The following VAT1L variants were observed in gnomAD, a reference collection of about 807,000 sequenced individuals.
VAT1L encodes the protein putative NADPH-dependent quinone oxidoreductase VAT1L.
In VAT1L, 34 loss-of-function variants were observed where a neutral mutation model predicts 44.1. That is an observed-to-expected ratio of 0.77 (90% CI 0.59 to 1.03). The LOEUF (loss-of-function observed/expected upper bound fraction) is 1.03, where lower values mean the gene tolerates loss of function less well. VAT1L is among the 50% of genes least tolerant of loss of function. VAT1L has a pLI of 0.00. For synonymous variants in VAT1L, 253 were observed against 202.2 expected, an observed-to-expected ratio of 1.25 and a Z score of -2.13; for missense variants, 615 against 538.8, an observed-to-expected ratio of 1.14 and a Z score of -1.40.
chr16:77,891,930 G>A (rs898450893), intron 7 of VAT1L, among the ~76,000 whole-genome samples: 25 of 152,248 alleles, frequency 1.6e-4, no homozygotes, highest in African/African-American at 5.5e-4. Context: ...AAATTAGCCC[G>A]GCATGGTGGC....
At chr16:77,972,825 A>G (rs997089021) in intron 8 of VAT1L, among the ~76,000 whole-genome samples, 24 of 149,768 alleles carry the variant, frequency 1.6e-4, no homozygotes, top group African/African-American at 5.4e-4. Context: ...ATAATGTAAA[A>G]TATAAATAAA....
intron 7 of VAT1L, among the ~76,000 whole-genome samples, chr16:77,887,348 G>T (rs1171264681): frequency 6.6e-6 from 1 of 152,308 alleles, no homozygotes; most frequent in East Asian, 1.9e-4. Flanking sequence ...TCCCAAGGGT[G>T]TTATCCATCA....
intron 6 of VAT1L, among the ~76,000 whole-genome samples, chr16:77,880,522 T>G (rs2017140132): frequency 6.6e-6 from 1 of 150,802 alleles, no homozygotes; most frequent in South Asian, 2.1e-4. Flanking sequence ...TTCTCTTCTT[T>G]GAAATGAACC....
intron 7 of VAT1L, among the ~76,000 whole-genome samples, chr16:77,934,886 G>C (rs1021824170): frequency 1.2e-4 from 19 of 152,126 alleles, no homozygotes; most frequent in African/African-American, 2.4e-4. Context: ...TGCAGGGCCC[G>C]GTCTGGTGGA....
At chr16:77,972,006 G>C (rs1326410988) in intron 8 of VAT1L, 73 bp downstream of exon 8, 1 of 1,459,504 alleles carries the variant, frequency 6.9e-7, no homozygotes, top group East Asian at 2.3e-5. Context: ...TGCAGACACG[G>C]GTGGGGTAGA....
chr16:77,965,939 G>C (rs2018218064), intron 7 of VAT1L, among the ~76,000 whole-genome samples: 2 of 152,140 alleles, frequency 1.3e-5, no homozygotes, highest in South Asian at 2.1e-4. Flanking sequence ...CAATATGGTA[G>C]CTATGAGCTA....
At position 77,879,126 on chromosome 16, in the gene VAT1L, T is replaced by C; in HGVS notation, c.827-43T>C. ...TTTCATGCATAACAAGAGATGTCCATTTTCATTAGCAATTGCTTAATGTGG... is the reference window on the plus strand; with the variant it reads ...TTTCATGCATAACAAGAGATGTCCACTTTCATTAGCAATTGCTTAATGTGG... On this transcript the variant is annotated intron_variant, in intron 5 of 8. Coordinates refer to ENST00000302536, the MANE Select transcript of VAT1L (RefSeq NM_020927.3). The surrounding 1 kb of genome is among the most constrained non-coding windows in gnomAD (Gnocchi z 4.1). 6.3e-7 allele frequency: 1 copy of C among 1,597,448 alleles called. No individual in the cohort carries two copies. The highest frequency in any genetic ancestry group is 8.6e-7 in the Non-Finnish European group (1 of 1,165,116).
chr16:77,801,445 G>A (rs990122318), intron 1 of VAT1L: 1 of 152,140 alleles, frequency 6.6e-6, no homozygotes, highest in Non-Finnish European at 1.5e-5. Context: ...TTCATAGTTT[G>A]ATCTGAAACG....
intron 1 of VAT1L, among the ~76,000 whole-genome samples, chr16:77,802,421 C>T (rs1043615211): frequency 6.6e-6 from 1 of 152,072 alleles, no homozygotes; most frequent in Non-Finnish European, 1.5e-5. Flanking sequence ...TCAAGACCAG[C>T]CTGGCCAAGA....
Position 77,817,948 on chromosome 16 carries a change from T to C in VAT1L, c.363+898T>C, listed in dbSNP as rs75448442. Among the ~76,000 whole-genome samples the C allele has an allele frequency of 8.0e-3, 1,222 of 152,302 alleles. 24 individuals carry two copies. The highest frequency in any genetic ancestry group is 0.028 in the African/African-American group (1,157 of 41,562). Reference sequence around the variant, plus strand: ...AGAACCATGGAGAAGTTATCTTTTTTAAGCCTCCACCATAGCCCTGCAAAG... The same window carrying C: ...AGAACCATGGAGAAGTTATCTTTTTCAAGCCTCCACCATAGCCCTGCAAAG... On this transcript the variant is annotated intron_variant, in intron 2 of 8. Coordinates refer to ENST00000302536, the MANE Select transcript of VAT1L (RefSeq NM_020927.3).
At chr16:77,975,814 G>T (rs1013003382) in intron 8 of VAT1L, among the ~76,000 whole-genome samples, 1 of 152,180 alleles carries the variant, frequency 6.6e-6, no homozygotes, top group Admixed American at 6.5e-5. Flanking sequence ...CAGTACCAGC[G>T]GGCAGCCCTG....
In VAT1L at chr16:77,884,836, C is replaced by T; in HGVS notation, c.1077+34C>T. 1.4e-6 allele frequency: 2 copies of T among 1,434,792 alleles called. No homozygotes were observed. The highest frequency in any genetic ancestry group is 1.8e-6 in the Non-Finnish European group (2 of 1,092,186). The allele number at this position is 1,434,792 out of a possible 1,614,324, so 88.9% of individuals were successfully genotyped here. The stretch of plus-strand genomic sequence containing the variant: ...GGTGCTTTTCTTCTGCAAATAAACT[C>T]CTCTTTTTAACTCAGGAAGGTTTGG... On this transcript the variant is annotated intron_variant, in intron 7 of 8. Transcript: ENST00000302536. The surrounding 1 kb of genome is among the most constrained non-coding windows in gnomAD (Gnocchi z 4.5).
chr16:77,971,838 C>T lies in VAT1L; in HGVS notation c.1078-12C>T, dbSNP rs202190614. 118 of 1,611,354 alleles carry T rather than the reference C, an allele frequency of 7.3e-5. No homozygotes were observed. In the African/African-American group the frequency reaches 1.3e-3, roughly 17 times the overall value. ...CCTAACCAGCACCTCTGTTTCTCAC[C>T]TTTTCGCGCAGGTGAAGGAGGCCAT... On this transcript the variant is annotated splice_polypyrimidine_tract_variant and intron_variant, in intron 7 of 8. Coordinates refer to ENST00000302536, the MANE Select transcript of VAT1L (RefSeq NM_020927.3).
In VAT1L at chr16:77,952,624, C is replaced by T. The variant is rs994886095; in HGVS notation, c.1078-19226C>T. Reference sequence around the variant, plus strand: ...CTGTAATCCCAGCACCTTGGGAGGCCGAAGTGGGCAGATCCCGAGGTCAGG... The same window carrying T: ...CTGTAATCCCAGCACCTTGGGAGGCTGAAGTGGGCAGATCCCGAGGTCAGG... On this transcript the variant is annotated intron_variant, in intron 7 of 8. Transcript: ENST00000302536. 7.2e-5 allele frequency among the ~76,000 whole-genome samples: 11 copies of T among 152,022 alleles called. 1 individual carries two copies. The highest frequency in any genetic ancestry group is 2.1e-4 in the South Asian group (1 of 4,802).
Position 77,978,308 on chromosome 16 carries a change from C to T in VAT1L, c.*613C>T, listed in dbSNP as rs1415740424. The T allele has an allele frequency of 6.6e-6, 1 of 152,508 alleles. No homozygotes were observed. The allele number at this position is 152,508 out of a possible 1,614,324, so 9.4% of individuals were successfully genotyped here. A position where few individuals can be genotyped will look rare whatever the true frequency, so the allele number is the denominator to read the frequency against. ...CTTCAGTGTCTGACCCTTTCACTGG[C>T]TCTTATCTGTAAACACAGGGAGGCA... On this transcript the variant is annotated 3_prime_UTR_variant, in exon 9 of 9. Coordinates refer to ENST00000302536, the MANE Select transcript of VAT1L (RefSeq NM_020927.3).
intron 7 of VAT1L, among the ~76,000 whole-genome samples, chr16:77,939,229 A>G (rs3886125): frequency 0.24 from 36,697 of 152,138 alleles, 5,033 homozygotes; most frequent in East Asian, 0.61. Flanking sequence ...CGCTTAACCA[A>G]TTCTTTGAAA....
intron 7 of VAT1L, among the ~76,000 whole-genome samples, chr16:77,889,050 T>G (rs2017237362): frequency 6.6e-6 from 1 of 152,200 alleles, no homozygotes; most frequent in Admixed American, 6.5e-5. Flanking sequence ...CTTCTGGGCT[T>G]GAGGAGAGTG....
At chr16:77,958,732 G>A (rs404856) in intron 7 of VAT1L, among the ~76,000 whole-genome samples, 142,826 of 152,222 alleles carry the variant, frequency 0.94, 67,692 homozygotes, top group Middle Eastern at 1. Context: ...TATTTGATCA[G>A]GAGAACAACT....
At chr16:77,841,140 G>T (rs1225252371) in intron 3 of VAT1L, among the ~76,000 whole-genome samples, 1 of 152,170 alleles carries the variant, frequency 6.6e-6, no homozygotes, top group African/African-American at 2.4e-5. Flanking sequence ...GAGTGCAGTA[G>T]TGCAATCGGG....
Sources: allele counts gnomAD v4.1 joint callset (sites outside exome capture counted in the v4.1 genomes callset), GRCh38; gene constraint gnomAD v4.1.1; non-coding constraint Gnocchi (gnomAD v3.1); transcripts MANE v1.5; gene names NCBI Gene and HGNC (gene_info 2026-07-23, HGNC 2026-07-21).